EML6: variants seen among roughly 807,000 people sequenced by gnomAD.
EML6 encodes the protein EMAP like 6, also known as echinoderm microtubule-associated protein-like 6.
In EML6, 154 loss-of-function variants were observed where a neutral mutation model predicts 240.1. The ratio of observed to expected loss-of-function variants is 0.64; its 90% confidence interval spans 0.56 to 0.73. The LOEUF is 0.73. Among genes scored for constraint, EML6 ranks in the 30% least tolerant of loss-of-function variants. EML6 has a pLI of 0.00. For synonymous variants in EML6, 1,148 were observed against 899.0 expected, an observed-to-expected ratio of 1.28 and a Z score of -4.95; for missense variants, 2,964 against 2,474.6, an observed-to-expected ratio of 1.20 and a Z score of -4.20.
At chr2:54,868,539 TATTCA>T (rs1671088152) in intron 14 of EML6, 1 of 152,222 alleles carries the variant, frequency 6.6e-6, no homozygotes, top group South Asian at 2.1e-4. Context: ...ATAGCAATGT[TATTCA>T]ATTCTTCAGA....
intron 2 of EML6, among the ~76,000 whole-genome samples, chr2:54,783,016 G>A (rs762654942): frequency 1.3e-5 from 2 of 152,222 alleles, no homozygotes; most frequent in Admixed American, 6.5e-5. Context: ...TTTTATTGCT[G>A]TCATTGCCCA....
At chr2:54,816,909 A>G (rs768602897) in intron 4 of EML6, 24 bp downstream of exon 4, 6 of 1,496,516 alleles carry the variant, frequency 4.0e-6, no homozygotes, top group South Asian at 3.6e-5. Flanking sequence ...GGATCAAGCT[A>G]TGCAGATTTC....
intron 21 of EML6, among the ~76,000 whole-genome samples, chr2:54,898,943 C>T (rs556226646): frequency 4.5e-4 from 68 of 152,236 alleles, no homozygotes; most frequent in Admixed American, 1.6e-3. Flanking sequence ...TCTAAGCCAG[C>T]CAAGTGTGTT....
Position 54,968,343 on chromosome 2 carries a change from G to A in EML6, c.5751+62G>A. ...CTGTTTGGCCGTCTGCAGGAGATAG[G>A]GGCCACGTCTAGATGGCCCTCTGGG... On this transcript the variant is annotated intron_variant, in intron 40 of 41. Transcript: ENST00000356458. The A allele has an allele frequency of 1.2e-5, 18 of 1,473,186 alleles. No homozygotes were observed. The South Asian group carries it at 1.9e-4, about 16-fold the overall frequency. The allele number at this position is 1,473,186 out of a possible 1,614,324, so 91.3% of individuals were successfully genotyped here.
At chr2:54,799,084 G>A (rs1387962737) in intron 2 of EML6, among the ~76,000 whole-genome samples, 1 of 151,886 alleles carries the variant, frequency 6.6e-6, no homozygotes, top group African/African-American at 2.4e-5. Flanking sequence ...TTTTTGAGAC[G>A]GAGTCTTGTT....
In EML6 at chr2:54,903,481, C is replaced by T. The variant is rs1673166309; in HGVS notation, c.3388C>T (p.His1130Tyr). The change falls in exon 24 of 42, where the codon CAC becomes TAC. Residue 1130 changes from histidine (H) to tyrosine (Y), a missense_variant. Coordinates refer to ENST00000356458, the MANE Select transcript of EML6 (RefSeq NM_001039753.4). ...TAAAGGTGCTTCTAGTTATATTACA[C>T]ACATTGACTGGGACTCTAGAGGTAA... Reference protein sequence around the residue: ...ICKGASSYITHIDWDSRGKLL... With the variant: ...ICKGASSYITYIDWDSRGKLL... 6.4e-7 allele frequency: 1 copy of T among 1,551,690 alleles called. No individual in the cohort carries two copies. Among genetic ancestry groups the T allele is most frequent in the Non-Finnish European group, 8.7e-7 (1 of 1,146,904 alleles).
intron 28 of EML6, among the ~76,000 whole-genome samples, chr2:54,931,636 T>C (rs1441659471): frequency 6.6e-6 from 1 of 152,200 alleles, no homozygotes; most frequent in African/African-American, 2.4e-5. Context: ...GCCTTCCGTA[T>C]ATACCTGCAG....
chr2:54,903,215 A>G lies in EML6; in HGVS notation c.3277+19A>G, dbSNP rs1392890292. On this transcript the variant is annotated intron_variant, in intron 23 of 41. Coordinates refer to ENST00000356458, the MANE Select transcript of EML6 (RefSeq NM_001039753.4). ...TCAAAAGGTGAAGATGACAGCAGAT[A>G]CTTTTTAAAATAGCACAGTCTTGGG... 7 of 1,549,314 alleles carry G rather than the reference A, an allele frequency of 4.5e-6. No individual in the cohort carries two copies. The East Asian group carries it at 7.3e-5, about 16-fold the overall frequency.
At chr2:54,809,831 A>G (rs6718353) in intron 2 of EML6, among the ~76,000 whole-genome samples, 1,821 of 152,270 alleles carry the variant, frequency 0.012, 35 homozygotes, top group African/African-American at 0.042. Flanking sequence ...GACATGACAA[A>G]TTTAAAATAG....
intron 3 of EML6, among the ~76,000 whole-genome samples, chr2:54,815,178 A>G (rs1668026944): frequency 6.6e-6 from 1 of 152,162 alleles, no homozygotes; most frequent in Admixed American, 6.6e-5. Flanking sequence ...TGTCCATGTT[A>G]ATTTATGTTA....
rs1400589479 is a variant in EML6, at chr2:54,959,200, G to A, written c.4792G>A (p.Val1598Met). ...RLVAKAHTGP[V>M]FTMYTTLRDG... ...GGTGGCCAAGGCTCACACAGGCCCCGTGTTCACAATGTACACAACCCTTCG... is the reference window on the plus strand; with the variant it reads ...GGTGGCCAAGGCTCACACAGGCCCCATGTTCACAATGTACACAACCCTTCG... The change falls in exon 34 of 42, where the codon GTG (valine) becomes ATG (methionine). Residue 1598 changes from valine (V) to methionine (M), a missense_variant. Val to Met is a conservative substitution (Grantham distance 21, BLOSUM62 1). Transcript: ENST00000356458. The A allele has an allele frequency of 1.7e-5, 26 of 1,551,440 alleles. No individual in the cohort carries two copies. The highest frequency in any genetic ancestry group is 2.4e-5 in the East Asian group (1 of 40,910).
intron 2 of EML6, among the ~76,000 whole-genome samples, chr2:54,741,263 T>C (rs888933384): frequency 2.0e-5 from 3 of 152,130 alleles, no homozygotes; most frequent in Non-Finnish European, 4.4e-5. Context: ...ACTGGCCTCC[T>C]GGCTTTGATG....
In EML6 at chr2:54,874,938, G is replaced by A. The variant is rs187350992; in HGVS notation, c.2344+3333G>A. Reference sequence around the variant, plus strand: ...GGCAGAACCCAGGTCCATTGTGAGAGCCACCAGGCCTGGGTTTGTCAGCAG... The same window carrying A: ...GGCAGAACCCAGGTCCATTGTGAGAACCACCAGGCCTGGGTTTGTCAGCAG... On this transcript the variant is annotated intron_variant, in intron 16 of 41. Transcript: ENST00000356458. 4.8e-3 allele frequency among the ~76,000 whole-genome samples: 735 copies of A among 152,266 alleles called. 3 individuals are homozygous for A. The highest frequency in any genetic ancestry group is 0.013 in the South Asian group (64 of 4,818).
Position 54,843,964 on chromosome 2 carries a change from TTGTGTG to T in EML6, c.848-48_848-43del, listed in dbSNP as rs70944190. On this transcript the variant is annotated intron_variant, in intron 7 of 41. Transcript: ENST00000356458. ...GTTAAAGGGCATTTACTTTAGGGTT[TTGTGTG>T]TGTGTGTGTGTGTGTGTGTGTGTGT... The T allele has an allele frequency of 4.6e-3, 3,039 of 656,856 alleles. 3 individuals carry two copies. Among genetic ancestry groups the T allele is most frequent in the African/African-American group, 0.012 (626 of 51,304 alleles). 40.7% of individuals were successfully genotyped at this position (656,856 alleles called of 1,614,324 possible).
chr2:54,915,753 T>G (rs1673875602), intron 25 of EML6, among the ~76,000 whole-genome samples: 1 of 152,088 alleles, frequency 6.6e-6, no homozygotes, highest in Non-Finnish European at 1.5e-5. Context: ...TTAGGCAGGG[T>G]ACATTAGCAG....
At chr2:54,872,865 ATCCCTTAGCCCTTTGTTG>A (rs1671326401) in intron 16 of EML6, among the ~76,000 whole-genome samples, 1 of 152,020 alleles carries the variant, frequency 6.6e-6, no homozygotes, top group Admixed American at 6.6e-5. Context: ...TTTTTTGTGC[ATCCCTTAGCCCTTTGTTG>A]TCATTGCTCT....
intron 7 of EML6, among the ~76,000 whole-genome samples, chr2:54,830,367 C>A (rs1668808315): frequency 2.0e-5 from 3 of 152,118 alleles, no homozygotes; most frequent in Admixed American, 2.0e-4. Flanking sequence ...TACTGTGAGC[C>A]ATGGGGGTCC....
At chr2:54,962,400 C>T (rs760315419) in intron 35 of EML6, 123 bp from the exon 36 acceptor site, 1 of 750,268 alleles carries the variant, frequency 1.3e-6, no homozygotes, top group Non-Finnish European at 2.1e-6. Flanking sequence ...TGTCCACCAC[C>T]CCCATTCACC....
chr2:54,877,459 TAA>T (rs5831327), intron 16 of EML6, among the ~76,000 whole-genome samples: 63 of 151,818 alleles, frequency 4.1e-4, no homozygotes, highest in African/African-American at 1.5e-3. Flanking sequence ...TTAAAAGTCT[TAA>T]AAAAAAGCTT....
Sources: allele counts gnomAD v4.1 joint callset (sites outside exome capture counted in the v4.1 genomes callset), GRCh38; gene constraint gnomAD v4.1.1; transcripts MANE v1.5; gene names NCBI Gene and HGNC (gene_info 2026-07-23, HGNC 2026-07-21).